NUDCD1: variants seen among roughly 807,000 people sequenced by gnomAD.
The protein encoded by NUDCD1 is NudC domain containing 1.
Under a neutral mutation model 67.8 loss-of-function variants are expected in NUDCD1, and 60 were observed. The observed-to-expected ratio is 0.88, with a 90% CI of 0.72 to 1.10. NUDCD1 has a LOEUF of 1.10. NUDCD1 is among the 50% of genes least tolerant of loss of function. NUDCD1 has a pLI of 0.00. For missense variants in NUDCD1, 643 were observed against 695.0 expected (o/e 0.93, Z 0.84); for synonymous variants, 244 against 230.8 (o/e 1.06, Z -0.52).
chr8:109,288,121 A>T (rs1395752075), intron 5 of NUDCD1, among the ~76,000 whole-genome samples: 3 of 152,366 alleles, frequency 2.0e-5, no homozygotes, highest in Non-Finnish European at 4.4e-5. Flanking sequence ...TTTAAAAATT[A>T]CAACACTTTT....
At chr8:109,311,572 T>TATATA (rs1554617143) in intron 2 of NUDCD1, among the ~76,000 whole-genome samples, 3 of 145,376 alleles carry the variant, frequency 2.1e-5, no homozygotes, top group Non-Finnish European at 3.0e-5. Context: ...TATATATATA[T>TATATA]GATGGGATAC....
Position 109,291,302 on chromosome 8 carries a change from C to T in NUDCD1, c.641-1369G>A, listed in dbSNP as rs553831776. Among the ~76,000 whole-genome samples, 13 of 152,206 alleles carry T rather than the reference C, an allele frequency of 8.5e-5. No individual in the cohort carries two copies. In the East Asian group the frequency reaches 2.5e-3, roughly 29 times the overall value. On this transcript the variant is annotated intron_variant, in intron 4 of 9. Transcript: ENST00000239690. ...GAACTATAGGTGCACAACACCATGCCGAGCTAATGTTTCTGTAATTTTTGT... is the reference window on the plus strand; with the variant it reads ...GAACTATAGGTGCACAACACCATGCTGAGCTAATGTTTCTGTAATTTTTGT...
At position 109,243,284 on chromosome 8, in the gene NUDCD1, T is replaced by C. The variant is rs1813417319; in HGVS notation, c.1477A>G (p.Lys493Glu). 6.3e-7 allele frequency: 1 copy of C among 1,597,170 alleles called. No individual in the cohort carries two copies. Among genetic ancestry groups the C allele is most frequent in the Non-Finnish European group, 8.6e-7 (1 of 1,167,158 alleles). The change falls in exon 10 of 10, where the codon AAG becomes GAG. Residue 493 changes from lysine (K) to glutamate (E), a missense_variant. Transcript: ENST00000239690. ...FNALGYVQAS[K>E]RDKKFFACAP... ...CAGGCAAAAAATTTTTTGTCTCTCT[T>C]TGATGCTTGGACATAGCCTGCCAAG...
At chr8:109,333,110 AAATC>A (rs1179849778) in intron 1 of NUDCD1, among the ~76,000 whole-genome samples, 1 of 152,248 alleles carries the variant, frequency 6.6e-6, no homozygotes, top group Admixed American at 6.5e-5. Flanking sequence ...TGAATTTAAT[AAATC>A]AATTAGCATA....
intron 5 of NUDCD1, among the ~76,000 whole-genome samples, chr8:109,283,790 G>A (rs1814509650): frequency 6.6e-6 from 1 of 152,042 alleles, no homozygotes; most frequent in Non-Finnish European, 1.5e-5. Context: ...GTTCTAAACA[G>A]GGAAACAAAA....
chr8:109,263,054 C>CAAAAAAAAAAAAA (rs59659347), intron 8 of NUDCD1, among the ~76,000 whole-genome samples: 1 of 42,008 alleles, frequency 2.4e-5, no homozygotes. Flanking sequence ...GACTCTGTCT[C>CAAAAAAAAAAAAA]AAAAAAAAAA....
intron 1 of NUDCD1, chr8:109,329,677 G>T: frequency 1.3e-6 from 1 of 765,170 alleles, no homozygotes; most frequent in Non-Finnish European, 2.0e-6. Flanking sequence ...CTTGATTGTG[G>T]TGATGATTTC....
chr8:109,256,467 G>T (rs889433734), intron 8 of NUDCD1, among the ~76,000 whole-genome samples: 1 of 146,000 alleles, frequency 6.8e-6, no homozygotes, highest in Non-Finnish European at 1.5e-5. Flanking sequence ...TCTCAAACAC[G>T]TATCACCTAC....
At chr8:109,263,271 C>T (rs1335911193) in intron 8 of NUDCD1, among the ~76,000 whole-genome samples, 2 of 151,984 alleles carry the variant, frequency 1.3e-5, no homozygotes, top group Non-Finnish European at 2.9e-5. Context: ...GTGCCTCCCT[C>T]CAGTACTATG....
rs370089222 is a variant in NUDCD1, at chr8:109,288,630, T to C, written c.823+1121A>G. On this transcript the variant is annotated intron_variant, in intron 5 of 9. Coordinates refer to ENST00000239690, the MANE Select transcript of NUDCD1 (RefSeq NM_032869.4). Reference sequence around the variant, plus strand: ...TTTTCAATTATATATTACATTAATATTCATTTCTTAAAGCATCCAAAAATA... The same window carrying C: ...TTTTCAATTATATATTACATTAATACTCATTTCTTAAAGCATCCAAAAATA... Among the ~76,000 whole-genome samples, 44 of 152,328 alleles carry C rather than the reference T, an allele frequency of 2.9e-4. No homozygotes were observed. The East Asian group carries it at 5.8e-3, about 20-fold the overall frequency.
In NUDCD1 at chr8:109,241,369, T is replaced by C. The variant is rs527948206; in HGVS notation, c.*1640A>G. 3 of 152,318 alleles carry C rather than the reference T, an allele frequency of 2.0e-5. No homozygotes were observed. The highest frequency in any genetic ancestry group is 4.4e-5 in the Non-Finnish European group (3 of 68,020). The allele number at this position is 152,318 out of a possible 1,614,324, so 9.4% of individuals were successfully genotyped here. A position where few individuals can be genotyped will look rare whatever the true frequency, so the allele number is the denominator to read the frequency against. On this transcript the variant is annotated 3_prime_UTR_variant, in exon 10 of 10. Coordinates refer to ENST00000239690, the MANE Select transcript of NUDCD1 (RefSeq NM_032869.4). ...TTTGGGGAAAATTTTAGAGAAAATT[T>C]AGATCTACTTTCCCATCATAAAGAT...
intron 7 of NUDCD1, 144 bp from the exon 8 acceptor site, chr8:109,271,274 C>A: frequency 1.9e-6 from 1 of 526,918 alleles, no homozygotes; most frequent in East Asian, 3.1e-5. Flanking sequence ...ATCACAAAAA[C>A]AGAAATAACA....
chr8:109,281,716 C>G (rs1814443300), intron 5 of NUDCD1, among the ~76,000 whole-genome samples: 1 of 152,184 alleles, frequency 6.6e-6, no homozygotes. Context: ...CAGGCCCTAT[C>G]CACTCCATTT....
intron 8 of NUDCD1, among the ~76,000 whole-genome samples, chr8:109,259,769 A>G (rs1813823781): frequency 6.6e-6 from 1 of 152,188 alleles, no homozygotes; most frequent in Non-Finnish European, 1.5e-5. Context: ...CTGTTTTGCT[A>G]GAAACTAAAT....
chr8:109,320,284 C>T (rs559090103), intron 2 of NUDCD1, among the ~76,000 whole-genome samples: 27 of 152,146 alleles, frequency 1.8e-4, no homozygotes, highest in Admixed American at 1.3e-4. Context: ...TCTGCAGTCT[C>T]GACCATAAGA....
At chr8:109,254,052 T>C (rs1813676569) in intron 8 of NUDCD1, among the ~76,000 whole-genome samples, 1 of 152,140 alleles carries the variant, frequency 6.6e-6, no homozygotes, top group Non-Finnish European at 1.5e-5. Context: ...GTGAACAAAA[T>C]TCCATCGAGT....
At position 109,243,234 on chromosome 8, in the gene NUDCD1, G is replaced by C. The variant is rs1419968654; in HGVS notation, c.1527C>G (p.Ala509=). ...FACAPNYSYA[A]LCECLRRVFI... is the part of the protein sequence containing the mutation. Reference sequence around the variant, plus strand: ...ATACTCGACGAAGGCACTCACAAAGGGCTGCATACGAGTAATTTGGAGCAC... The same window carrying C: ...ATACTCGACGAAGGCACTCACAAAGCGCTGCATACGAGTAATTTGGAGCAC... The change falls in exon 10 of 10, where the codon GCC becomes GCG. Residue 509 remains alanine (A), a synonymous_variant. Transcript: ENST00000239690. The C allele has an allele frequency of 1.2e-6, 2 of 1,612,000 alleles. No homozygotes were observed. Among genetic ancestry groups the C allele is most frequent in the African/African-American group, 2.7e-5 (2 of 74,848 alleles).
intron 2 of NUDCD1, among the ~76,000 whole-genome samples, chr8:109,297,857 ATT>A (rs1310571140): frequency 1.3e-5 from 2 of 152,126 alleles, no homozygotes; most frequent in Non-Finnish European, 2.9e-5. Flanking sequence ...AAATTCAACC[ATT>A]TGTTTTTCTT....
At chr8:109,256,684 A>G (rs898348676) in intron 8 of NUDCD1, among the ~76,000 whole-genome samples, 5 of 152,178 alleles carry the variant, frequency 3.3e-5, no homozygotes, top group African/African-American at 1.2e-4. Context: ...GATTACAGAA[A>G]CCTGCTAGAC....
Sources: gnomAD v4.1 joint callset for allele counts (sites outside exome capture counted in the v4.1 genomes callset) on GRCh38, gnomAD v4.1.1 for gene constraint, MANE v1.5 for transcripts, NCBI Gene and HGNC (gene_info 2026-07-23, HGNC 2026-07-21) for gene names.